The following SLC9A7 variants were observed in gnomAD, a reference collection of about 807,000 sequenced individuals.
SLC9A7 encodes sodium/hydrogen exchanger 7.
SLC9A7 carries 19 observed loss-of-function variants against 52.6 expected under a neutral mutation model. The observed-to-expected ratio is 0.36, with a 90% CI of 0.25 to 0.53. The LOEUF is 0.53. Among genes scored for constraint, SLC9A7 ranks in the 20% least tolerant of loss-of-function variants. The pLI is 0.91. For synonymous variants in SLC9A7, 226 were observed against 252.1 expected (o/e 0.90, Z 0.98); for missense variants, 455 against 597.9 (o/e 0.76, Z 2.49).
intron 1 of SLC9A7, among the ~76,000 whole-genome samples, chrX:46,705,658 G>C (rs1396565699): frequency 1.8e-5 from 2 of 111,723 alleles, no homozygotes; most frequent in Non-Finnish European, 3.8e-5. Context: ...AACACAGTGA[G>C]ATGTTGTCTC....
intron 16 of SLC9A7, among the ~76,000 whole-genome samples, chrX:46,610,942 T>C (rs1942838259): frequency 8.9e-6 from 1 of 112,420 alleles, no homozygotes; most frequent in Non-Finnish European, 1.9e-5. Flanking sequence ...AAGTGATCCT[T>C]ATTAAAACCC....
intron 1 of SLC9A7, among the ~76,000 whole-genome samples, chrX:46,695,678 T>C (rs368289028): frequency 6.3e-5 from 7 of 111,199 alleles, no homozygotes; most frequent in East Asian, 5.6e-4. Context: ...TATAAACATC[T>C]GGACAGTTGG....
chrX:46,615,287 C>T (rs1198287796), intron 15 of SLC9A7, among the ~76,000 whole-genome samples: 4 of 112,310 alleles, frequency 3.6e-5, no homozygotes, highest in African/African-American at 3.2e-5. Context: ...GTGATCCACT[C>T]GCCTCGGCCT....
At chrX:46,643,516 T>A in intron 11 of SLC9A7, 127 bp from the exon 12 acceptor site, 1 of 654,322 alleles carries the variant, frequency 1.5e-6, no homozygotes, top group Non-Finnish European at 2.3e-6. Context: ...GTTGTTTTAC[T>A]CAGAAAGAAG....
intron 1 of SLC9A7, among the ~76,000 whole-genome samples, chrX:46,686,385 T>C (rs756333510): frequency 1.2e-4 from 13 of 112,291 alleles, no homozygotes; most frequent in African/African-American, 3.9e-4. Flanking sequence ...TTTAGATTCA[T>C]ATTTATTACC....
intron 13 of SLC9A7, among the ~76,000 whole-genome samples, chrX:46,634,417 A>C (rs768545893): frequency 9.0e-6 from 1 of 111,407 alleles, no homozygotes; most frequent in Non-Finnish European, 1.9e-5. Flanking sequence ...AAATCTCGGA[A>C]AGTTTAGAAG....
chrX:46,732,571 A>G (rs1346089683), intron 1 of SLC9A7, among the ~76,000 whole-genome samples: 1 of 111,292 alleles, frequency 9.0e-6, no homozygotes, highest in Non-Finnish European at 1.9e-5. Flanking sequence ...AAAAAAATCC[A>G]AAAGTTTGAT....
Position 46,662,574 on chromosome X carries a change from C to T in SLC9A7, c.863G>A (p.Ser288Asn). 8.3e-7 allele frequency: 1 copy of T among 1,209,557 alleles called. No individual in the cohort carries two copies. The highest frequency in any genetic ancestry group is 1.1e-6 in the Non-Finnish European group (1 of 893,443). ...VDLYALLFGE[S>N]VLNDAVAIVL... ...AATGGCAACAGCATCATTTAGGACGCTCTCTCCAAAAAGAAGTGCGTAAAG... is the reference window on the plus strand; with the variant it reads ...AATGGCAACAGCATCATTTAGGACGTTCTCTCCAAAAAGAAGTGCGTAAAG... The change falls in exon 6 of 17, where the codon AGC (serine) becomes AAC (asparagine). Residue 288 changes from serine (S) to asparagine (N), a missense_variant. Physicochemically the swap from Ser to Asn is conservative, Grantham distance 46 (BLOSUM62 1). This residue lies in a region of SLC9A7 where 304 missense variants were observed against 417.8 expected (regional missense o/e 0.73). Transcript: ENST00000616978.
Position 46,606,157 on chromosome X carries a change from C to CAAA in SLC9A7, c.*792_*794dup. 4 of 525,838 alleles carry CAAA rather than the reference C, an allele frequency of 7.6e-6. No homozygotes were observed. Among genetic ancestry groups the CAAA allele is most frequent in the Non-Finnish European group, 9.2e-6 (4 of 436,813 alleles). 43.3% of individuals were successfully genotyped at this position (525,838 alleles called of 1,213,427 possible). On this transcript the variant is annotated 3_prime_UTR_variant, in exon 17 of 17. Coordinates refer to ENST00000616978, the MANE Select transcript of SLC9A7 (RefSeq NM_001257291.2). Reference sequence around the variant, plus strand: ...GTGACAGAGTGAAACACCATCTCAACAAAAAAAAAAAGTTGAATGCTTTTT... The same window carrying CAAA: ...GTGACAGAGTGAAACACCATCTCAACAAAAAAAAAAAAAAGTTGAATGCTTTTT...
intron 12 of SLC9A7, 133 bp downstream of exon 12, chrX:46,643,103 C>T (rs1943431463): frequency 1.9e-6 from 1 of 532,283 alleles, no homozygotes; most frequent in Non-Finnish European, 2.9e-6. Context: ...AATTGTTAAT[C>T]CCCCCTCACA....
intron 3 of SLC9A7, among the ~76,000 whole-genome samples, chrX:46,675,060 AATGT>A (rs1165594826): frequency 1.3e-4 from 5 of 39,864 alleles, no homozygotes; most frequent in Non-Finnish European, 2.2e-4. Flanking sequence ...AGAGAGAGTG[AATGT>A]GTGTGTGTGT....
chrX:46,691,496 G>A (rs1944380650), intron 1 of SLC9A7, among the ~76,000 whole-genome samples: 1 of 112,042 alleles, frequency 8.9e-6, no homozygotes, highest in South Asian at 3.7e-4. Context: ...CTACAATCCA[G>A]CACAAAGTAC....
chrX:46,615,356 G>A (rs749713618), intron 15 of SLC9A7, among the ~76,000 whole-genome samples: 57 of 111,574 alleles, frequency 5.1e-4, no homozygotes, highest in African/African-American at 1.1e-3. Flanking sequence ...CTCTTTATAC[G>A]CGGAACCAGC....
intron 1 of SLC9A7, chrX:46,725,583 T>C (rs879122134): frequency 2.0e-6 from 2 of 1,008,720 alleles, no homozygotes; most frequent in Non-Finnish European, 2.8e-6. Context: ...AAGATTGCCC[T>C]GCTGCTGCTC....
chrX:46,729,628 C>G (rs1481119862), intron 1 of SLC9A7, among the ~76,000 whole-genome samples: 1 of 110,677 alleles, frequency 9.0e-6, no homozygotes, highest in Non-Finnish European at 1.9e-5. Flanking sequence ...ACAAAATTAG[C>G]TGGGCATGGT....
intron 3 of SLC9A7, among the ~76,000 whole-genome samples, chrX:46,675,743 C>T (rs1397683899): frequency 8.9e-6 from 1 of 112,542 alleles, no homozygotes; most frequent in Admixed American, 9.4e-5. Flanking sequence ...GATCCTGCCC[C>T]ACACTGGGGA....
chrX:46,640,371 C>T (rs1268931382), intron 12 of SLC9A7, among the ~76,000 whole-genome samples: 1 of 112,072 alleles, frequency 8.9e-6, no homozygotes, highest in Non-Finnish European at 1.9e-5. Flanking sequence ...AAAACCTCAA[C>T]CTAAACCTCA....
At chrX:46,664,946 C>G (rs926972148) in intron 5 of SLC9A7, among the ~76,000 whole-genome samples, 1 of 110,345 alleles carries the variant, frequency 9.1e-6, no homozygotes, top group Non-Finnish European at 1.9e-5. Context: ...TAACAATAAA[C>G]ACGTACATAG....
At chrX:46,675,857 A>G (rs975920038) in intron 3 of SLC9A7, among the ~76,000 whole-genome samples, 11 of 111,596 alleles carry the variant, frequency 9.9e-5, no homozygotes, top group African/African-American at 3.6e-4. Context: ...CTTTTGTCCA[A>G]TCACTTTTCT....
Sources: gnomAD v4.1 joint callset for allele counts (sites outside exome capture counted in the v4.1 genomes callset) on GRCh38, gnomAD v4.1.1 for gene constraint, gnomAD v4.1.1 regional missense constraint, MANE v1.5 for transcripts, NCBI Gene and HGNC (gene_info 2026-07-23, HGNC 2026-07-21) for gene names.